ULK4: variants seen among roughly 807,000 people sequenced by gnomAD.
The protein encoded by ULK4 is inactive serine/threonine-protein kinase ULK4.
A neutral mutation model predicts 160.6 loss-of-function variants in ULK4; 133 were observed. The ratio of observed to expected loss-of-function variants is 0.83; its 90% confidence interval spans 0.72 to 0.96. ULK4 has a LOEUF of 0.96. Among genes scored for constraint, ULK4 ranks in the 40% least tolerant of loss-of-function variants. The pLI, the probability that ULK4 is intolerant of heterozygous loss-of-function variation, is 0.00. For synonymous variants in ULK4, 534 were observed against 539.8 expected (o/e 0.99, Z 0.15); for missense variants, 1,580 against 1,499.5 (o/e 1.05, Z -0.89).
chr3:41,278,802 T>A (rs2079282451), intron 35 of ULK4, among the ~76,000 whole-genome samples: 1 of 151,776 alleles, frequency 6.6e-6, no homozygotes, highest in South Asian at 2.1e-4. Flanking sequence ...GTCACCAACA[T>A]CAAAGACCAA....
At chr3:41,391,705 C>T (rs574704535) in intron 35 of ULK4, among the ~76,000 whole-genome samples, 14 of 151,880 alleles carry the variant, frequency 9.2e-5, no homozygotes, top group African/African-American at 1.9e-4. Flanking sequence ...CGTCTGTTCT[C>T]ATGTGGAATG....
intron 2 of ULK4, among the ~76,000 whole-genome samples, chr3:41,950,864 G>A (rs1327758128): frequency 6.6e-6 from 1 of 151,666 alleles, no homozygotes; most frequent in South Asian, 2.1e-4. Flanking sequence ...ACATAAATAG[G>A]CTGGGCACGG....
intron 35 of ULK4, among the ~76,000 whole-genome samples, chr3:41,352,754 T>G (rs886162558): frequency 6.6e-6 from 1 of 152,118 alleles, no homozygotes; most frequent in Non-Finnish European, 1.5e-5. Context: ...CCCAGCCTCA[T>G]CTCTGCAGAG....
At chr3:41,400,380 C>T (rs947818994) in intron 34 of ULK4, among the ~76,000 whole-genome samples, 1 of 152,088 alleles carries the variant, frequency 6.6e-6, no homozygotes, top group Non-Finnish European at 1.5e-5. Flanking sequence ...TCCCTAACCC[C>T]TGGTGACCAC....
rs77572490 is a variant in ULK4, at chr3:41,810,399, A to C, written c.1848+9024T>G. Among the ~76,000 whole-genome samples the C allele has an allele frequency of 2.4e-3, 366 of 152,264 alleles. 1 individual carries two copies. The highest frequency in any genetic ancestry group is 7.8e-3 in the African/African-American group (326 of 41,548). ...TCCCTCATCTAGGGTTCTTTATGAG[A>C]TGGTTTAAAACTTTCCAGGTGGGTG... On this transcript the variant is annotated intron_variant, in intron 19 of 36. Transcript: ENST00000301831.
At chr3:41,442,759 C>G (rs2083203951) in intron 34 of ULK4, among the ~76,000 whole-genome samples, 1 of 151,954 alleles carries the variant, frequency 6.6e-6, no homozygotes, top group African/African-American at 2.4e-5. Flanking sequence ...GCACCTGGTC[C>G]TTATTGTTGA....
chr3:41,731,484 A>G (rs983738419), intron 22 of ULK4, among the ~76,000 whole-genome samples: 1 of 152,110 alleles, frequency 6.6e-6, no homozygotes, highest in Non-Finnish European at 1.5e-5. Context: ...TAAACAGGAC[A>G]CAAGTAAATG....
chr3:41,353,696 C>T (rs999613655), intron 35 of ULK4, among the ~76,000 whole-genome samples: 1,240 of 101,776 alleles, frequency 0.012, 18 homozygotes, highest in African/African-American at 0.053. Context: ...ATAATAATTA[C>T]AATTACTACT....
chr3:41,556,660 T>C (rs980937056), intron 32 of ULK4, among the ~76,000 whole-genome samples: 1 of 151,952 alleles, frequency 6.6e-6, no homozygotes, highest in African/African-American at 2.4e-5. Flanking sequence ...GCTAACTTTT[T>C]GTATTTTTAG....
chr3:41,661,442 T>C (rs2125758329), intron 30 of ULK4, among the ~76,000 whole-genome samples: 1 of 148,356 alleles, frequency 6.7e-6, no homozygotes, highest in Non-Finnish European at 1.5e-5. Context: ...TGTGTGTGTA[T>C]ACTCGTATAC....
chr3:41,795,314 T>C (rs1359867859), intron 20 of ULK4, among the ~76,000 whole-genome samples: 1 of 152,214 alleles, frequency 6.6e-6, no homozygotes, highest in Non-Finnish European at 1.5e-5. Context: ...AATGATCTCA[T>C]GCTGTTCCCC....
At chr3:41,843,441 G>T (rs993685354) in intron 17 of ULK4, among the ~76,000 whole-genome samples, 1 of 152,106 alleles carries the variant, frequency 6.6e-6, no homozygotes, top group African/African-American at 2.4e-5. Flanking sequence ...CGGTGTGTCG[G>T]GAGTTTGTTC....
intron 32 of ULK4, among the ~76,000 whole-genome samples, chr3:41,496,346 C>G (rs9870715): frequency 0.42 from 63,179 of 151,754 alleles, 13,348 homozygotes; most frequent in African/African-American, 0.46. Flanking sequence ...CAAAATATAT[C>G]AGGCAACTGT....
At chr3:41,584,256 A>C (rs532909178) in intron 31 of ULK4, among the ~76,000 whole-genome samples, 2 of 152,312 alleles carry the variant, frequency 1.3e-5, no homozygotes, top group African/African-American at 4.8e-5. Flanking sequence ...TAATGAAGCA[A>C]TTCTGAACTA....
At chr3:41,887,544 G>A (rs1697766693) in intron 16 of ULK4, among the ~76,000 whole-genome samples, 1 of 152,180 alleles carries the variant, frequency 6.6e-6, no homozygotes. Context: ...ACTTCTGCTG[G>A]GCATGGTGGC....
At chr3:41,507,266 A>C (rs75294004) in intron 32 of ULK4, among the ~76,000 whole-genome samples, 337 of 151,802 alleles carry the variant, frequency 2.2e-3, no homozygotes, top group East Asian at 0.012. Flanking sequence ...TGCCAAGTTA[A>C]ATACATTTGA....
intron 32 of ULK4, among the ~76,000 whole-genome samples, chr3:41,553,620 G>A (rs562406599): frequency 6.6e-6 from 1 of 152,112 alleles, no homozygotes; most frequent in African/African-American, 2.4e-5. Context: ...TGCAAAGAGG[G>A]AACTCTTATA....
intron 35 of ULK4, among the ~76,000 whole-genome samples, chr3:41,286,901 T>C (rs892583078): frequency 3.3e-5 from 5 of 152,198 alleles, no homozygotes; most frequent in African/African-American, 1.2e-4. Flanking sequence ...GTGGTGTCTG[T>C]CATCTTAACT....
intron 32 of ULK4, among the ~76,000 whole-genome samples, chr3:41,498,049 C>T (rs1038966826): frequency 6.6e-6 from 1 of 151,982 alleles, no homozygotes; most frequent in Non-Finnish European, 1.5e-5. Context: ...TATCAAATAT[C>T]TTGATGTCAA....
Sources: gnomAD v4.1 joint callset for allele counts (sites outside exome capture counted in the v4.1 genomes callset) on GRCh38, gnomAD v4.1.1 for gene constraint, MANE v1.5 for transcripts, NCBI Gene and HGNC (gene_info 2026-07-23, HGNC 2026-07-21) for gene names.